The following SCARA5 variants were observed in gnomAD, a reference collection of about 807,000 sequenced individuals.
SCARA5 encodes scavenger receptor class A member 5, also known as scavenger receptor class A, member 5 (putative).
SCARA5 carries 45 observed loss-of-function variants against 46.3 expected under a neutral mutation model. The observed-to-expected ratio is 0.97, with a 90% CI of 0.76 to 1.24. The LOEUF is 1.24. SCARA5 is among the 50% of genes most tolerant of loss of function. The probability of loss-of-function intolerance (pLI) is 0.00; values close to 1 mark genes in which losing one functional copy is unlikely to be tolerated. For synonymous variants in SCARA5, 333 were observed against 306.5 expected (o/e 1.09, Z -0.90); for missense variants, 680 against 689.0 (o/e 0.99, Z 0.15).
At chr8:27,946,790 C>T (rs1808044205) in intron 3 of SCARA5, among the ~76,000 whole-genome samples, 3 of 152,126 alleles carry the variant, frequency 2.0e-5, no homozygotes, top group Admixed American at 6.5e-5. Context: ...GAGTGGAATG[C>T]CCCCCTTTCT....
chr8:27,882,439 T>A (rs1016439511), intron 7 of SCARA5, among the ~76,000 whole-genome samples: 17 of 152,186 alleles, frequency 1.1e-4, no homozygotes, highest in African/African-American at 4.1e-4. Flanking sequence ...TTCTCTCCAC[T>A]GTTTGAGACC....
rs1806634365 is a variant in SCARA5 at position 27,871,353 on chromosome 8, A to T, written c.*581T>A. 2.6e-6 allele frequency: 2 copies of T among 756,992 alleles called. No homozygotes were observed. Among genetic ancestry groups the T allele is most frequent in the Non-Finnish European group, 3.2e-6 (2 of 621,572 alleles). The allele number at this position is 756,992 out of a possible 1,614,324, so 46.9% of individuals were successfully genotyped here. A position where few individuals can be genotyped will look rare whatever the true frequency, so the allele number is the denominator to read the frequency against. Reference sequence around the variant, plus strand: ...AAATCTAGCTGGATTCCTGCAGGTGACTTGCATTTCCCTCTTGCCCCTACA... The same window carrying T: ...AAATCTAGCTGGATTCCTGCAGGTGTCTTGCATTTCCCTCTTGCCCCTACA... On this transcript the variant is annotated 3_prime_UTR_variant, in exon 9 of 9. Coordinates refer to ENST00000354914, the MANE Select transcript of SCARA5 (RefSeq NM_173833.6).
At chr8:27,941,449 T>C (rs537596691) in intron 3 of SCARA5, among the ~76,000 whole-genome samples, 1 of 152,326 alleles carries the variant, frequency 6.6e-6, no homozygotes, top group Admixed American at 6.5e-5. Context: ...CATGGGGTTG[T>C]GTGAGGACTC....
intron 8 of SCARA5, among the ~76,000 whole-genome samples, chr8:27,876,503 G>T (rs990995831): frequency 2.6e-5 from 4 of 152,208 alleles, no homozygotes; most frequent in African/African-American, 9.6e-5. Context: ...CCAGGGTTCT[G>T]GCTGGGATGG....
At chr8:27,940,081 G>A (rs897227599) in intron 3 of SCARA5, among the ~76,000 whole-genome samples, 1 of 152,214 alleles carries the variant, frequency 6.6e-6, no homozygotes, top group Non-Finnish European at 1.5e-5. Context: ...TTCCATAAGT[G>A]CTTGTTTTCA....
At chr8:27,972,359 AAC>A (rs1021908101) in intron 2 of SCARA5, among the ~76,000 whole-genome samples, 1 of 138,840 alleles carries the variant, frequency 7.2e-6, no homozygotes, top group African/African-American at 2.6e-5. Flanking sequence ...AACAAAAAAA[AAC>A]AAAAAAAGTA....
intron 5 of SCARA5, among the ~76,000 whole-genome samples, chr8:27,907,883 C>T (rs1336371396): frequency 6.6e-6 from 1 of 152,168 alleles, no homozygotes; most frequent in Non-Finnish European, 1.5e-5. Flanking sequence ...AATCAGCAAA[C>T]ACTTTTTTGA....
chr8:27,929,142 T>C (rs1807727210), intron 3 of SCARA5, among the ~76,000 whole-genome samples: 1 of 152,222 alleles, frequency 6.6e-6, no homozygotes, highest in African/African-American at 2.4e-5. Flanking sequence ...TGTAATAATC[T>C]ATGATTAATG....
At chr8:27,891,469 G>A (rs771223186) in intron 7 of SCARA5, among the ~76,000 whole-genome samples, 2 of 152,150 alleles carry the variant, frequency 1.3e-5, no homozygotes, top group Non-Finnish European at 2.9e-5. Context: ...CTCCCAAAGT[G>A]CTGGGATTAC....
chr8:27,924,717 T>A (rs1011888261), intron 3 of SCARA5, among the ~76,000 whole-genome samples: 6 of 152,240 alleles, frequency 3.9e-5, no homozygotes, highest in Non-Finnish European at 8.8e-5. Flanking sequence ...GCAGATGACA[T>A]GATTGTATAT....
Position 27,920,436 on chromosome 8 carries a change from A to T in SCARA5, c.916+1135T>A, listed in dbSNP as rs536762673. Among the ~76,000 whole-genome samples, 48 of 151,818 alleles carry T rather than the reference A, an allele frequency of 3.2e-4. No homozygotes were observed. The South Asian group carries it at 9.6e-3, about 30-fold the overall frequency. ...GAGACCAGCCTGGCCAACATGGTGA[A>T]ACTCTGTCTTCTACTAAAAATACAA... is the stretch of plus-strand genomic sequence containing the variant. On this transcript the variant is annotated intron_variant, in intron 4 of 8. Coordinates refer to ENST00000354914, the MANE Select transcript of SCARA5 (RefSeq NM_173833.6).
At chr8:27,981,894 C>T (rs1422646436) in intron 2 of SCARA5, among the ~76,000 whole-genome samples, 1 of 152,250 alleles carries the variant, frequency 6.6e-6, no homozygotes, top group Non-Finnish European at 1.5e-5. Flanking sequence ...GGCGGTGACT[C>T]TTCCAGAGGC....
chr8:27,979,887 A>T (rs1808588015), intron 2 of SCARA5, among the ~76,000 whole-genome samples: 2 of 152,072 alleles, frequency 1.3e-5, no homozygotes, highest in Non-Finnish European at 2.9e-5. Context: ...TAAGCACCAC[A>T]CAAAGCCATC....
intron 4 of SCARA5, among the ~76,000 whole-genome samples, chr8:27,912,118 TTC>T (rs1807387307): frequency 6.6e-6 from 1 of 152,198 alleles, no homozygotes; most frequent in South Asian, 2.1e-4. Context: ...GAAAATAAGC[TTC>T]TGTTAAACCA....
rs1807340026 is a variant in SCARA5 at position 27,909,657 on chromosome 8, C to T, written c.997+6G>A. On this transcript the variant is annotated splice_donor_region_variant and intron_variant, in intron 5 of 8. Coordinates refer to ENST00000354914, the MANE Select transcript of SCARA5 (RefSeq NM_173833.6). Reference sequence around the variant, plus strand: ...CCCAGGTACCACCCAGGGGCACGCTCATTACCTCGAAGTCCAGGCAATCCA... The same window carrying T: ...CCCAGGTACCACCCAGGGGCACGCTTATTACCTCGAAGTCCAGGCAATCCA... 6.5e-7 allele frequency: 1 copy of T among 1,541,174 alleles called. No individual in the cohort carries two copies. The highest frequency in any genetic ancestry group is 2.5e-5 in the East Asian group (1 of 40,796).
chr8:27,918,878 G>T, intron 4 of SCARA5, among the ~76,000 whole-genome samples: 1 of 82,634 alleles, frequency 1.2e-5, no homozygotes, highest in Non-Finnish European at 2.5e-5. Context: ...GGGGAAGAAG[G>T]AGAAGGAGGA....
At position 27,987,545 on chromosome 8, in the gene SCARA5, A is replaced by G. The variant is rs1340374424; in HGVS notation, c.71T>C (p.Phe24Ser). The change falls in exon 2 of 9, where the codon TTT (phenylalanine) becomes TCT (serine). Residue 24 changes from phenylalanine (F) to serine (S), a missense_variant. Coordinates refer to ENST00000354914, the MANE Select transcript of SCARA5 (RefSeq NM_173833.6). The part of the protein sequence containing the change: ...CDTSSICEDS[F>S]DGRSLSKLNL... ...CAGCTTGGACAGGCTCCTGCCATCA[A>G]AGGAATCCTCACAGATGGAGCTGGT... is the stretch of plus-strand genomic sequence containing the variant. 13 of 1,614,102 alleles carry G rather than the reference A, an allele frequency of 8.1e-6. No homozygotes were observed. The highest frequency in any genetic ancestry group is 9.3e-6 in the Non-Finnish European group (11 of 1,179,978).
chr8:27,984,185 T>G (rs1808665791), intron 2 of SCARA5, among the ~76,000 whole-genome samples: 1 of 151,290 alleles, frequency 6.6e-6, no homozygotes. Flanking sequence ...AGCAAAACCC[T>G]TCTAAAGGGT....
At chr8:27,966,848 T>C (rs143950716) in intron 2 of SCARA5, among the ~76,000 whole-genome samples, 179 of 152,288 alleles carry the variant, frequency 1.2e-3, no homozygotes, top group Non-Finnish European at 2.0e-3. Flanking sequence ...CTTGAAATAG[T>C]CTTGGATATG....
Sources: allele counts gnomAD v4.1 joint callset (sites outside exome capture counted in the v4.1 genomes callset), GRCh38; gene constraint gnomAD v4.1.1; transcripts MANE v1.5; gene names NCBI Gene and HGNC (gene_info 2026-07-23, HGNC 2026-07-21).